The following HGFAC variants were observed in gnomAD, a reference collection of about 807,000 sequenced individuals.
HGFAC encodes the protein hepatocyte growth factor activator serine protease.
A neutral mutation model predicts 70.6 loss-of-function variants in HGFAC; 76 were observed. The observed-to-expected ratio is 1.08, with a 90% CI of 0.89 to 1.30. HGFAC has a LOEUF of 1.30. HGFAC is among the 50% of genes most tolerant of loss of function. The pLI, the probability that HGFAC is intolerant of heterozygous loss-of-function variation, is 0.00. For synonymous variants in HGFAC, 464 were observed against 405.3 expected (o/e 1.14, Z -1.74); for missense variants, 1,044 against 933.7 (o/e 1.12, Z -1.54).
rs781038516 is a variant in HGFAC at position 3,448,045 on chromosome 4, G to A, written c.1636+10G>A. On this transcript the variant is annotated intron_variant, in intron 12 of 13. Transcript: ENST00000382774. ...GGCCACTTGGATGAGAGTGAGTTGGGAGGGGGGCGCCCAGCGCCCCGCCAG... is the reference window on the plus strand; with the variant it reads ...GGCCACTTGGATGAGAGTGAGTTGGAAGGGGGGCGCCCAGCGCCCCGCCAG... 2 of 1,555,708 alleles carry A rather than the reference G, an allele frequency of 1.3e-6. No homozygotes were observed. Among genetic ancestry groups the A allele is most frequent in the African/African-American group, 1.4e-5 (1 of 73,424 alleles).
intron 8 of HGFAC, 135 bp from the exon 9 acceptor site, chr4:3,445,130 G>A (rs1372390782): frequency 2.3e-6 from 3 of 1,303,720 alleles, no homozygotes; most frequent in Non-Finnish European, 3.2e-6. Flanking sequence ...CTGGGAGGCT[G>A]CCCGAGGGAG....
chr4:3,447,374 T>C, intron 10 of HGFAC, 118 bp from the exon 11 acceptor site: 1 of 1,167,738 alleles, frequency 8.6e-7, no homozygotes, highest in South Asian at 1.4e-5. Flanking sequence ...CTCAGACCCC[T>C]CCCCGGGACC....
chr4:3,445,345 C>A lies in HGFAC; in HGVS notation c.1097C>A (p.Ala366Asp), dbSNP rs776213257. Residue 366 changes from alanine to aspartate, a missense_variant, in exon 9 of 14, where the codon GCC becomes GAC. Transcript: ENST00000382774. ...TCCTGGGAGTACTGCCGCCTGGAGG[C>A]CTGCGGTGCGCGGCTGGCGGGGGGT... ...ALSWEYCRLE[A>D]CESLTRVQLS... 24 of 1,572,422 alleles carry A rather than the reference C, an allele frequency of 1.5e-5. No individual in the cohort carries two copies. The highest frequency in any genetic ancestry group is 8.2e-5 in the South Asian group (7 of 85,456).
In HGFAC at chr4:3,443,078, G is replaced by C; in HGVS notation, c.327G>C (p.Arg109Ser). 20 of 1,599,348 alleles carry C rather than the reference G, an allele frequency of 1.3e-5. No individual in the cohort carries two copies. The highest frequency in any genetic ancestry group is 1.7e-5 in the Non-Finnish European group (20 of 1,178,614). The change falls in exon 3 of 14, where the codon AGG (arginine) becomes AGC (serine). Residue 109 changes from arginine to serine, a missense_variant. By Grantham distance (110) the Arg-to-Ser change is moderately radical (BLOSUM62 -1). Transcript: ENST00000382774. ...TCACCGAGGACGGGAGGCCCTGCAG[G>C]TTCCCCTTCCGCTACGGGGGCCGCA... Reference protein sequence around the residue: ...QALTEDGRPCRFPFRYGGRML... With the variant: ...QALTEDGRPCSFPFRYGGRML...
intron 9 of HGFAC, chr4:3,445,649 G>T: frequency 5.0e-6 from 3 of 602,522 alleles, no homozygotes; most frequent in Non-Finnish European, 5.9e-6. Flanking sequence ...AGGGAGGGCA[G>T]CGTGCAGGCC....
Position 3,444,372 on chromosome 4 carries a change from G to GCGAC in HGFAC, c.662_663insACCG (p.Gln222ProfsTer63). On this transcript the variant is annotated frameshift_variant, in exon 6 of 14. Coordinates refer to ENST00000382774, the MANE Select transcript of HGFAC (RefSeq NM_001528.4). LOFTEE classifies it high-confidence loss of function. ...AGGGGGGCGACCGCTGGGCCCGCGT[G>GCGAC]CGCCAGGGCCACGTGGAACAGTGCG... The GCGAC allele has an allele frequency of 6.2e-7, 1 of 1,603,198 alleles. No homozygotes were observed. The highest frequency in any genetic ancestry group is 1.1e-5 in the South Asian group (1 of 89,174).
intron 13 of HGFAC, among the ~76,000 whole-genome samples, chr4:3,448,998 A>T (rs866397740): frequency 6.6e-6 from 1 of 152,266 alleles, no homozygotes; most frequent in Middle Eastern, 3.4e-3. Context: ...CACAGGGTTC[A>T]TGCTGGTGGG....
chr4:3,448,325 G>C (rs1725604352), intron 13 of HGFAC, 49 bp downstream of exon 13: 3 of 1,575,888 alleles, frequency 1.9e-6, no homozygotes, highest in Non-Finnish European at 2.6e-6. Context: ...GGGCTCAGCT[G>C]GTCCTGAGTC....
Position 3,449,336 on chromosome 4 carries a change from G to A in HGFAC, c.1885G>A (p.Gly629Arg). The change falls in exon 14 of 14, where the codon GGG becomes AGG. Residue 629 changes from glycine to arginine, a missense_variant. Gly to Arg is a moderately radical substitution (Grantham distance 125). Coordinates refer to ENST00000382774, the MANE Select transcript of HGFAC (RefSeq NM_001528.4). ...CGGCTGCGGGCGGCTCCACAAGCCG[G>A]GGGTCTACACCCGCGTGGCCAACTA... ...GDGCGRLHKP[G>R]VYTRVANYVD... The A allele has an allele frequency of 1.2e-6, 2 of 1,612,058 alleles. No homozygotes were observed. Among genetic ancestry groups the A allele is most frequent in the South Asian group, 1.1e-5 (1 of 91,020 alleles).
Position 3,443,041 on chromosome 4 carries a change from T to TAA in HGFAC, c.299-9_299-8insAA, listed in dbSNP as rs779033515. 2.4e-5 allele frequency: 38 copies of TAA among 1,591,264 alleles called. No homozygotes were observed. Among genetic ancestry groups the TAA allele is most frequent in the Admixed American group, 5.1e-5 (3 of 58,970 alleles). ...AGGGAGCCCTGACCCTGCCACCCCC[T>TAA]CCCCACAGCACTCACCGAGGACGGG... On this transcript the variant is annotated splice_polypyrimidine_tract_variant and intron_variant, in intron 2 of 13. Coordinates refer to ENST00000382774, the MANE Select transcript of HGFAC (RefSeq NM_001528.4).
chr4:3,444,077 G>A lies in HGFAC; in HGVS notation c.514G>A (p.Gly172Arg), dbSNP rs754033116. The A allele has an allele frequency of 1.2e-6, 2 of 1,610,866 alleles. No homozygotes were observed. Among genetic ancestry groups the A allele is most frequent in the Non-Finnish European group, 1.7e-6 (2 of 1,179,174 alleles). Residue 172 changes from glycine to arginine, a missense_variant, in exon 5 of 14, where the codon GGA becomes AGA. Transcript: ENST00000382774. ...CTGTGCCTCCGGCCCCTGCCTCAAT[G>A]GAGGCTCCTGCTCCAATACCCAGGA... ...DPCASGPCLN[G>R]GSCSNTQDPQ...
At chr4:3,445,105 C>A (rs1725457045) in intron 8 of HGFAC, 112 bp downstream of exon 8, 1 of 1,351,566 alleles carries the variant, frequency 7.4e-7, no homozygotes, top group African/African-American at 1.4e-5. Context: ...TCCAGACAGG[C>A]CCCGGAACCT....
intron 13 of HGFAC, 85 bp downstream of exon 13, chr4:3,448,361 C>A: frequency 1.2e-5 from 18 of 1,493,214 alleles, no homozygotes; most frequent in African/African-American, 2.8e-5. Context: ...CCTGGGGAGC[C>A]CAGAGCCTGG....
intron 1 of HGFAC, 97 bp from the exon 2 acceptor site, chr4:3,442,635 C>T: frequency 1.1e-6 from 1 of 887,086 alleles, no homozygotes; most frequent in East Asian, 3.0e-5. Context: ...ATCTGGGGGC[C>T]CCAGTATGGA....
Position 3,447,925 on chromosome 4 carries a change from G to T in HGFAC, c.1526G>T (p.Arg509Leu), listed in dbSNP as rs16844401. The change falls in exon 12 of 14, where the codon CGC becomes CTC. Residue 509 changes from arginine to leucine, a missense_variant. Arg to Leu is a moderately radical substitution (Grantham distance 102). Transcript: ENST00000382774. ...VLIRLKKKGD[R>L]CATRSQFVQP... The stretch of plus-strand genomic sequence containing the variant: ...ATCCGGCTGAAGAAGAAAGGGGACC[G>T]CTGTGCCACACGCTCGCAGTTCGTG... 27 of 1,609,380 alleles carry T rather than the reference G, an allele frequency of 1.7e-5. No individual in the cohort carries two copies. The highest frequency in any genetic ancestry group is 8.9e-5 in the East Asian group (4 of 44,734).
intron 1 of HGFAC, among the ~76,000 whole-genome samples, chr4:3,442,387 C>A (rs1333270770): frequency 6.6e-6 from 1 of 152,146 alleles, no homozygotes; most frequent in Non-Finnish European, 1.5e-5. Flanking sequence ...TGGGGGCTGC[C>A]CCCTCTCTCT....
chr4:3,447,901 T>C lies in HGFAC; in HGVS notation c.1502T>C (p.Ile501Thr), dbSNP rs1725573072. The C allele has an allele frequency of 1.7e-5, 28 of 1,611,292 alleles. No individual in the cohort carries two copies. The highest frequency in any genetic ancestry group is 2.2e-5 in the Non-Finnish European group (26 of 1,179,378). ...TGGCCACTCTTCTGATCAGTCCTGA[T>C]CCGGCTGAAGAAGAAAGGGGACCGC... is the stretch of plus-strand genomic sequence containing the variant. The part of the protein sequence containing the change: ...FNPSDHDLVL[I>T]RLKKKGDRCA... Residue 501 changes from isoleucine to threonine, a missense_variant, in exon 12 of 14, where the codon ATC (isoleucine) becomes ACC (threonine). Physicochemically the swap from Ile to Thr is moderately conservative, Grantham distance 89. Transcript: ENST00000382774.
chr4:3,442,211 G>T, intron 1 of HGFAC, 93 bp downstream of exon 1: 1 of 964,748 alleles, frequency 1.0e-6, no homozygotes, highest in South Asian at 1.6e-5. Context: ...GCCACAGAGC[G>T]TGGGGATTTG....
At position 3,444,958 on chromosome 4, in the gene HGFAC, G is replaced by A. The variant is rs202090816; in HGVS notation, c.981G>A (p.Ala327=). ...TGCACGTGGACTCCGTGGGCGCCGC[G>A]GCCCTGCTGGGCCTGGGCCCCCATG... ...QELHVDSVGA[A]ALLGLGPHAY... The change falls in exon 8 of 14, where the codon GCG becomes GCA. Residue 327 remains alanine (A), a synonymous_variant. Transcript: ENST00000382774. 5.3e-4 allele frequency: 849 copies of A among 1,603,766 alleles called. 17 individuals are homozygous for A. The East Asian group carries it at 0.018, about 34-fold the overall frequency.
Sources: gnomAD v4.1 joint callset for allele counts (sites outside exome capture counted in the v4.1 genomes callset) on GRCh38, gnomAD v4.1.1 for gene constraint, MANE v1.5 for transcripts, NCBI Gene and HGNC (gene_info 2026-07-23, HGNC 2026-07-21) for gene names.